Variants in KCNU1 observed in about 807,000 individuals in gnomAD.
The protein encoded by KCNU1 is potassium channel subfamily U member 1.
KCNU1 carries 93 observed loss-of-function variants against 126.8 expected under a neutral mutation model. That is an observed-to-expected ratio of 0.73 (90% CI 0.62 to 0.87). The LOEUF is 0.87. Ranked by LOEUF, KCNU1 falls within the 40% of genes least tolerant of loss-of-function variation. The pLI, the probability that KCNU1 is intolerant of heterozygous loss-of-function variation, is 0.00. For synonymous variants in KCNU1, 523 were observed against 494.2 expected (o/e 1.06, Z -0.77); for missense variants, 1,330 against 1,367.1 (o/e 0.97, Z 0.43).
At chr8:36,817,103 A>G (rs1432534834) in intron 9 of KCNU1, among the ~76,000 whole-genome samples, 1 of 152,176 alleles carries the variant, frequency 6.6e-6, no homozygotes, top group African/African-American at 2.4e-5. Context: ...TGCAATTTAA[A>G]TGTTTGGCTT....
rs920177907 is a variant in KCNU1, at chr8:36,905,597, C to T, written c.2010-111C>T. 4 of 719,504 alleles carry T rather than the reference C, an allele frequency of 5.6e-6. No individual in the cohort carries two copies. The African/African-American group carries it at 6.9e-5, about 12-fold the overall frequency. The allele number at this position is 719,504 out of a possible 1,614,324, so 44.6% of individuals were successfully genotyped here. On this transcript the variant is annotated intron_variant, in intron 19 of 26. Transcript: ENST00000399881. The stretch of plus-strand genomic sequence containing the variant: ...GTCTTACAGACCTGAGGTCATTCTA[C>T]TTATGCTATTCTCCTCTTTGAGCTC...
chr8:36,806,294 A>C lies in KCNU1; in HGVS notation c.494A>C (p.Lys165Thr). The C allele has an allele frequency of 6.2e-7, 1 of 1,610,508 alleles. No individual in the cohort carries two copies. Among genetic ancestry groups the C allele is most frequent in the South Asian group, 1.1e-5 (1 of 90,414 alleles). The change falls in exon 5 of 27, where the codon AAG becomes ACG. Residue 165 changes from lysine (K) to threonine (T), a missense_variant. Around this residue, in one of 3 missense-constraint regions of KCNU1, gnomAD observed 247 missense variants for 255.4 expected, o/e 0.97. Coordinates refer to ENST00000399881, the MANE Select transcript of KCNU1 (RefSeq NM_001031836.3). ...LRFMAADDKI[K>T]FWLEMNSIVD... is the part of the protein sequence containing the mutation. Reference sequence around the variant, plus strand: ...TTTATGGCAGCTGATGACAAGATCAAGTTCTGGCTGGAGATGAATTCAATC... The same window carrying C: ...TTTATGGCAGCTGATGACAAGATCACGTTCTGGCTGGAGATGAATTCAATC...
intron 12 of KCNU1, among the ~76,000 whole-genome samples, chr8:36,835,400 A>C (rs1804711983): frequency 6.6e-6 from 1 of 150,476 alleles, no homozygotes; most frequent in Non-Finnish European, 1.5e-5. Context: ...GCTGGAGGGC[A>C]GTGGCGTGAT....
At chr8:36,855,607 C>A (rs1403497778) in intron 18 of KCNU1, among the ~76,000 whole-genome samples, 1 of 152,064 alleles carries the variant, frequency 6.6e-6, no homozygotes, top group Non-Finnish European at 1.5e-5. Flanking sequence ...ATATCTCTTA[C>A]TGCTATCTAT....
chr8:36,930,881 A>T (rs1808680526), intron 24 of KCNU1, 70 bp from the exon 25 acceptor site: 2 of 1,099,202 alleles, frequency 1.8e-6, no homozygotes, highest in Admixed American at 5.6e-5. Flanking sequence ...TAAATCTCCA[A>T]GCCTTTACCC....
chr8:36,840,524 C>G lies in KCNU1; in HGVS notation c.1580C>G (p.Thr527Ser), dbSNP rs1053109555. The G allele has an allele frequency of 6.2e-7, 1 of 1,612,942 alleles. No individual in the cohort carries two copies. Among genetic ancestry groups the G allele is most frequent in the African/African-American group, 1.3e-5 (1 of 74,904 alleles). ...AATAGCATGAAAAACAAAATTCTGA[C>G]CCAACGTCTCTCTGATGACTTTGCT... ...FLNSMKNKILTQRLSDDFAGM... is the reference protein window; with the variant it reads ...FLNSMKNKILSQRLSDDFAGM... The change falls in exon 15 of 27, where the codon ACC (threonine) becomes AGC (serine). Residue 527 changes from threonine to serine, a missense_variant. Coordinates refer to ENST00000399881, the MANE Select transcript of KCNU1 (RefSeq NM_001031836.3).
At chr8:36,795,604 T>C (rs1052120685) in intron 2 of KCNU1, 6 of 152,468 alleles carry the variant, frequency 3.9e-5, no homozygotes, top group African/African-American at 1.4e-4. Flanking sequence ...AGTGTGGTAC[T>C]TTCCAAACTT....
intron 10 of KCNU1, among the ~76,000 whole-genome samples, chr8:36,824,025 T>C (rs1403262583): frequency 6.6e-6 from 1 of 151,968 alleles, no homozygotes; most frequent in Non-Finnish European, 1.5e-5. Context: ...TTAGTACAGA[T>C]AGAATATCAC....
intron 19 of KCNU1, among the ~76,000 whole-genome samples, chr8:36,887,927 C>T (rs779054406): frequency 6.6e-6 from 1 of 151,990 alleles, no homozygotes; most frequent in Non-Finnish European, 1.5e-5. Context: ...TAATACTAGT[C>T]AGTAGTTATG....
chr8:36,795,476 C>A (rs960296410), intron 2 of KCNU1: 2 of 152,392 alleles, frequency 1.3e-5, no homozygotes, highest in Non-Finnish European at 2.9e-5. Context: ...TAGAAATGGC[C>A]GCCTGGATGG....
At chr8:36,904,980 G>T (rs1195208496) in intron 19 of KCNU1, among the ~76,000 whole-genome samples, 1 of 152,118 alleles carries the variant, frequency 6.6e-6, no homozygotes, top group Non-Finnish European at 1.5e-5. Flanking sequence ...TCGATTTTCT[G>T]TAATTTGACA....
intron 19 of KCNU1, among the ~76,000 whole-genome samples, chr8:36,877,144 C>A (rs927462624): frequency 1.3e-5 from 2 of 152,170 alleles, no homozygotes; most frequent in African/African-American, 4.8e-5. Flanking sequence ...GTGAACCCAG[C>A]AGGGGCTGCA....
chr8:36,839,528 T>C (rs972991652), intron 14 of KCNU1, among the ~76,000 whole-genome samples: 4 of 152,142 alleles, frequency 2.6e-5, no homozygotes, highest in African/African-American at 9.7e-5. Flanking sequence ...TGAATCTTCG[T>C]GGTGGAAGCA....
In KCNU1 at chr8:36,922,590, T is replaced by A; in HGVS notation, c.2697T>A (p.Thr899=). 6.2e-7 allele frequency: 1 copy of A among 1,613,702 alleles called. No individual in the cohort carries two copies. The highest frequency in any genetic ancestry group is 8.5e-7 in the Non-Finnish European group (1 of 1,179,770). ...TCAGCACTGCCTTTTCTACGGGCAC[T>A]GTTTTTTCCGGCAGCTTCTTGGATT... ...LHLSTAFSTG[T]VFSGSFLDSL... The change falls in exon 24 of 27, where the codon ACT becomes ACA. Residue 899 remains threonine (T), a synonymous_variant. Transcript: ENST00000399881.
intron 19 of KCNU1, among the ~76,000 whole-genome samples, chr8:36,873,094 C>CAAAA (rs959405973): frequency 6.6e-6 from 1 of 152,200 alleles, no homozygotes; most frequent in East Asian, 1.9e-4. Context: ...AATAAACTAA[C>CAAAA]CAACCAAACA....
In KCNU1 at chr8:36,922,571, C is replaced by T. The variant is rs1808395148; in HGVS notation, c.2678C>T (p.Thr893Ile). The T allele has an allele frequency of 8.7e-6, 14 of 1,613,628 alleles. No homozygotes were observed. The highest frequency in any genetic ancestry group is 1.7e-5 in the Admixed American group (1 of 59,986). Residue 893 changes from threonine (T) to isoleucine (I), a missense_variant, in exon 24 of 27, where the codon ACT (threonine) becomes ATT (isoleucine). By Grantham distance (89) the Thr-to-Ile change is moderately conservative. This residue lies in a region of KCNU1 where 1,054 missense variants were observed against 1,053.9 expected (regional missense o/e 1.00). Coordinates refer to ENST00000399881, the MANE Select transcript of KCNU1 (RefSeq NM_001031836.3). ...CAAGAAACAAATCTGCATCTCAGCA[C>T]TGCCTTTTCTACGGGCACTGTTTTT... ...SLQETNLHLSTAFSTGTVFSG... is the reference protein window; with the variant it reads ...SLQETNLHLSIAFSTGTVFSG...
At chr8:36,861,130 A>G (rs937049233) in intron 18 of KCNU1, among the ~76,000 whole-genome samples, 1 of 152,200 alleles carries the variant, frequency 6.6e-6, no homozygotes, top group Non-Finnish European at 1.5e-5. Context: ...GAGAAAGAAT[A>G]GGAGATGGTT....
At chr8:36,880,873 A>G (rs1806450308) in intron 19 of KCNU1, among the ~76,000 whole-genome samples, 1 of 152,206 alleles carries the variant, frequency 6.6e-6, no homozygotes, top group South Asian at 2.1e-4. Flanking sequence ...AGATGCACAG[A>G]AAGAATTGAA....
rs770751408 is a variant in KCNU1, at chr8:36,814,279, C to T, written c.805C>T (p.Leu269=). Residue 269 remains leucine (L), a synonymous_variant, in exon 8 of 27, where the codon CTG becomes TTG. Coordinates refer to ENST00000399881, the MANE Select transcript of KCNU1 (RefSeq NM_001031836.3). ...QNISYFESIY[L]VMATTSTVGF... ...TATATCATATTTTGAGTCAATTTAC[C>T]TGGTCATGGCAACAACGTCAACCGT... 8.1e-6 allele frequency: 13 copies of T among 1,612,936 alleles called. No homozygotes were observed. The highest frequency in any genetic ancestry group is 3.3e-5 in the Admixed American group (2 of 59,960).
Sources: gnomAD v4.1 joint callset for allele counts (sites outside exome capture counted in the v4.1 genomes callset) on GRCh38, gnomAD v4.1.1 for gene constraint, gnomAD v4.1.1 regional missense constraint, MANE v1.5 for transcripts, NCBI Gene and HGNC (gene_info 2026-07-23, HGNC 2026-07-21) for gene names.